ULK4: variants seen among roughly 807,000 people sequenced by gnomAD.
ULK4 encodes the protein inactive serine/threonine-protein kinase ULK4.
In ULK4, 133 loss-of-function variants were observed where a neutral mutation model predicts 160.6. The ratio of observed to expected loss-of-function variants is 0.83; its 90% CI spans 0.72 to 0.96. ULK4 has a LOEUF of 0.96. Among genes scored for constraint, ULK4 ranks in the 40% least tolerant of loss-of-function variants. The probability of loss-of-function intolerance (pLI) is 0.00; values close to 1 mark genes in which losing one functional copy is unlikely to be tolerated. For missense variants in ULK4, 1,580 were observed against 1,499.5 expected, an observed-to-expected ratio of 1.05 and a Z score of -0.89; for synonymous variants, 534 against 539.8, an observed-to-expected ratio of 0.99 and a Z score of 0.15.
intron 35 of ULK4, among the ~76,000 whole-genome samples, chr3:41,282,169 C>T (rs983618669): frequency 1.3e-5 from 2 of 152,114 alleles, no homozygotes; most frequent in African/African-American, 4.8e-5. Flanking sequence ...AACAAATGGA[C>T]TAACATTCCA....
rs2080915202 is a variant in ULK4 at position 41,351,840 on chromosome 3, A to T, written c.3678+46239T>A. On this transcript the variant is annotated intron_variant, in intron 35 of 36. Transcript: ENST00000301831. The stretch of plus-strand genomic sequence containing the variant: ...ATGGTCATCCCATCCACAGGGTGGA[A>T]GATCTGACCTTCCCCCTGTCTAGGT... Among the ~76,000 whole-genome samples, 3 of 152,320 alleles carry T rather than the reference A, an allele frequency of 2.0e-5. No homozygotes were observed. In the South Asian group the frequency reaches 6.2e-4, roughly 32 times the overall value.
At chr3:41,332,213 A>C (rs1035355193) in intron 35 of ULK4, among the ~76,000 whole-genome samples, 1 of 152,102 alleles carries the variant, frequency 6.6e-6, no homozygotes, top group Non-Finnish European at 1.5e-5. Flanking sequence ...AGAGGAAAAA[A>C]AAAAACAAAA....
Position 41,907,928 on chromosome 3 carries a change from G to T in ULK4, c.1099C>A (p.Pro367Thr). 1.2e-6 allele frequency: 2 copies of T among 1,604,116 alleles called. No individual in the cohort carries two copies. The highest frequency in any genetic ancestry group is 1.7e-6 in the Non-Finnish European group (2 of 1,175,862). Residue 367 changes from proline to threonine, a missense_variant, in exon 12 of 37, where the codon CCC (proline) becomes ACC (threonine). Physicochemically the swap from Pro to Thr is conservative, Grantham distance 38 (BLOSUM62 -1). Coordinates refer to ENST00000301831, the MANE Select transcript of ULK4 (RefSeq NM_017886.4). Reference protein sequence around the residue: ...SMFLLSSRPTPRTSTAVEVSP... With the variant: ...SMFLLSSRPTTRTSTAVEVSP... ...ACTTCCACTGCAGTGCTAGTTCTGGGAGTAGGACGAGAACTGAAAAATACA... is the reference window on the plus strand; with the variant it reads ...ACTTCCACTGCAGTGCTAGTTCTGGTAGTAGGACGAGAACTGAAAAATACA...
intron 20 of ULK4, among the ~76,000 whole-genome samples, chr3:41,794,759 G>C (rs2040256947): frequency 6.6e-6 from 1 of 150,684 alleles, no homozygotes; most frequent in African/African-American, 2.4e-5. Context: ...AGAGGCGAGA[G>C]AGCAGAGTCA....
chr3:41,925,041 A>T (rs1699327248), intron 5 of ULK4, among the ~76,000 whole-genome samples: 1 of 152,180 alleles, frequency 6.6e-6, no homozygotes, highest in South Asian at 2.1e-4. Flanking sequence ...CAAGTATAGC[A>T]ATTTTAACAC....
At chr3:41,599,761 C>T (rs983305406) in intron 31 of ULK4, among the ~76,000 whole-genome samples, 8 of 151,904 alleles carry the variant, frequency 5.3e-5, no homozygotes, top group African/African-American at 2.4e-5. Flanking sequence ...GACAGGGTTT[C>T]ACCATGCTGG....
intron 34 of ULK4, among the ~76,000 whole-genome samples, chr3:41,419,152 G>T (rs2082600105): frequency 6.6e-6 from 1 of 152,182 alleles, no homozygotes; most frequent in Admixed American, 6.5e-5. Context: ...AATTATATAT[G>T]TGCTTACTGT....
At chr3:41,500,926 T>C (rs1272944008) in intron 32 of ULK4, among the ~76,000 whole-genome samples, 1 of 152,210 alleles carries the variant, frequency 6.6e-6, no homozygotes, top group East Asian at 1.9e-4. Context: ...GCCTTCATTG[T>C]TTTTGTGTTC....
chr3:41,249,635 T>G, intron 35 of ULK4, 61 bp from the exon 36 acceptor site: 2 of 1,526,916 alleles, frequency 1.3e-6, no homozygotes, highest in East Asian at 4.7e-5. Context: ...CATGCCCTGT[T>G]GGATGGGCAC....
chr3:41,335,725 G>C (rs1056004075), intron 35 of ULK4, among the ~76,000 whole-genome samples: 14 of 124,226 alleles, frequency 1.1e-4, no homozygotes, highest in East Asian at 4.2e-4. Context: ...GATGTCAGCA[G>C]CATGAGGGCA....
intron 34 of ULK4, 134 bp downstream of exon 34, chr3:41,455,363 A>G (rs2083520456): frequency 1.3e-6 from 1 of 758,134 alleles, no homozygotes; most frequent in African/African-American, 1.8e-5. Flanking sequence ...CAGGCCAAAT[A>G]ATCTTCTGAA....
chr3:41,792,596 A>T (rs1201629293), intron 20 of ULK4, among the ~76,000 whole-genome samples: 3 of 152,196 alleles, frequency 2.0e-5, no homozygotes, highest in African/African-American at 7.2e-5. Context: ...TATGATGGGG[A>T]AATTTCTTAA....
intron 22 of ULK4, among the ~76,000 whole-genome samples, chr3:41,718,902 C>A (rs2037363101): frequency 6.6e-6 from 1 of 152,180 alleles, no homozygotes; most frequent in Non-Finnish European, 1.5e-5. Context: ...GAGGATGAAC[C>A]CAAATCAGGA....
At chr3:41,748,736 T>C (rs1216899333) in intron 22 of ULK4, among the ~76,000 whole-genome samples, 2 of 152,236 alleles carry the variant, frequency 1.3e-5, no homozygotes, top group African/African-American at 4.8e-5. Context: ...TTTTGTAAAA[T>C]ATTAGTAAAG....
chr3:41,802,392 G>A (rs963360996), intron 19 of ULK4, among the ~76,000 whole-genome samples: 9 of 152,100 alleles, frequency 5.9e-5, no homozygotes. Flanking sequence ...CAATCTCCCA[G>A]CTCAAGCAAT....
intron 22 of ULK4, among the ~76,000 whole-genome samples, chr3:41,736,356 G>A (rs892647381): frequency 1.3e-5 from 2 of 151,836 alleles, no homozygotes; most frequent in African/African-American, 2.4e-5. Context: ...AGCACCTGTT[G>A]TTCCCTGACT....
At chr3:41,269,192 T>C (rs906054620) in intron 35 of ULK4, among the ~76,000 whole-genome samples, 5 of 152,108 alleles carry the variant, frequency 3.3e-5, no homozygotes, top group African/African-American at 1.2e-4. Context: ...AGCAGGACTA[T>C]TTTGTATTTA....
intron 30 of ULK4, among the ~76,000 whole-genome samples, chr3:41,627,574 A>C (rs574384467): frequency 3.3e-5 from 5 of 152,314 alleles, no homozygotes; most frequent in Non-Finnish European, 5.9e-5. Context: ...TGCAGTTCTT[A>C]CTTAGATACA....
At chr3:41,444,978 T>C (rs900677105) in intron 34 of ULK4, among the ~76,000 whole-genome samples, 15 of 152,110 alleles carry the variant, frequency 9.9e-5, no homozygotes, top group Admixed American at 3.3e-4. Flanking sequence ...AAAACCCCAT[T>C]GTCTCAGCCC....
Sources: gnomAD v4.1 joint callset for allele counts (sites outside exome capture counted in the v4.1 genomes callset) on GRCh38, gnomAD v4.1.1 for gene constraint, MANE v1.5 for transcripts, NCBI Gene and HGNC (gene_info 2026-07-23, HGNC 2026-07-21) for gene names.